PTPRD: variants seen among roughly 807,000 people sequenced by gnomAD.
PTPRD encodes protein tyrosine phosphatase receptor type D, also known as receptor-type tyrosine-protein phosphatase delta.
A neutral mutation model predicts 214.5 loss-of-function variants in PTPRD; 34 were observed. That is an observed-to-expected ratio of 0.16 (90% CI 0.12 to 0.21). The LOEUF (loss-of-function observed/expected upper bound fraction) is 0.21, where lower values mean the gene tolerates loss of function less well. Among genes scored for constraint, PTPRD ranks in the 10% least tolerant of loss-of-function variants. The pLI is 1.00. For synonymous variants in PTPRD, 1,128 were observed against 845.7 expected (o/e 1.33, Z -5.79); for missense variants, 2,545 against 2,398.7 (o/e 1.06, Z -1.27).
At chr9:9,615,324 G>A (rs532158354) in intron 7 of PTPRD, among the ~76,000 whole-genome samples, 6 of 152,084 alleles carry the variant, frequency 3.9e-5, no homozygotes, top group East Asian at 1.9e-4. Flanking sequence ...GCCACCAGGC[G>A]CTGATCTGTT....
At chr9:9,751,990 C>T (rs553514985) in intron 6 of PTPRD, among the ~76,000 whole-genome samples, 47 of 152,022 alleles carry the variant, frequency 3.1e-4, no homozygotes, top group Non-Finnish European at 5.6e-4. Context: ...GTAGATTATA[C>T]AACAACTATA....
chr9:8,913,753 T>G (rs559206951), intron 11 of PTPRD, among the ~76,000 whole-genome samples: 1 of 152,118 alleles, frequency 6.6e-6, no homozygotes, highest in South Asian at 2.1e-4. Flanking sequence ...ATGCTATCAA[T>G]ATTCTGCAAA....
At chr9:9,003,812 C>T (rs180822882) in intron 11 of PTPRD, among the ~76,000 whole-genome samples, 3 of 152,214 alleles carry the variant, frequency 2.0e-5, no homozygotes, top group Admixed American at 2.0e-4. Flanking sequence ...AGACTTAGCT[C>T]TGTTAGTAAA....
intron 4 of PTPRD, among the ~76,000 whole-genome samples, chr9:9,965,567 A>C (rs1373436771): frequency 6.6e-6 from 1 of 152,190 alleles, no homozygotes; most frequent in Non-Finnish European, 1.5e-5. Context: ...TGGCTCTAAT[A>C]GTATTTATTA....
At chr9:8,748,998 C>G (rs1026936515) in intron 11 of PTPRD, among the ~76,000 whole-genome samples, 2 of 151,962 alleles carry the variant, frequency 1.3e-5, no homozygotes, top group Non-Finnish European at 2.9e-5. Context: ...TTTCAACACA[C>G]ATGTGAAAAT....
intron 8 of PTPRD, among the ~76,000 whole-genome samples, chr9:9,513,845 G>A (rs1002900605): frequency 3.9e-5 from 6 of 152,026 alleles, no homozygotes; most frequent in South Asian, 2.1e-4. Flanking sequence ...TCACCTGCTG[G>A]TTTTTATTAG....
chr9:9,324,450 G>C (rs888577652), intron 9 of PTPRD, among the ~76,000 whole-genome samples: 1 of 152,118 alleles, frequency 6.6e-6, no homozygotes. Context: ...GTGATGATGA[G>C]CATTTTTTCA....
intron 3 of PTPRD, among the ~76,000 whole-genome samples, chr9:10,166,452 A>T (rs1163782489): frequency 1.3e-5 from 2 of 151,922 alleles, no homozygotes; most frequent in African/African-American, 4.8e-5. Context: ...CTAGTTCATT[A>T]ATAGTTTTAT....
intron 3 of PTPRD, among the ~76,000 whole-genome samples, chr9:10,271,859 A>G (rs1200739425): frequency 6.6e-6 from 1 of 151,762 alleles, no homozygotes; most frequent in Non-Finnish European, 1.5e-5. Flanking sequence ...TGTTTCTTAT[A>G]TCATTGGAAT....
intron 4 of PTPRD, among the ~76,000 whole-genome samples, chr9:9,977,992 C>T (rs896628095): frequency 6.6e-6 from 1 of 151,768 alleles, no homozygotes; most frequent in African/African-American, 2.4e-5. Context: ...AAACCTGTTG[C>T]TTCCAATCAA....
At chr9:9,608,326 T>G (rs1453933738) in intron 7 of PTPRD, among the ~76,000 whole-genome samples, 1 of 152,194 alleles carries the variant, frequency 6.6e-6, no homozygotes, top group Admixed American at 6.6e-5. Flanking sequence ...AAGCCTCTGG[T>G]GCATGGTTAT....
In PTPRD at chr9:8,339,054, G is replaced by A; in HGVS notation, c.5254-7C>T. 4 of 1,609,238 alleles carry A rather than the reference G, an allele frequency of 2.5e-6. No homozygotes were observed. The African/African-American group carries it at 4.0e-5, about 16-fold the overall frequency. ...AGTATTGGTGACATTTCTCCTAAAA[G>A]GAGAGAAGATTAATGTTAAACTATG... is the stretch of plus-strand genomic sequence containing the variant. On this transcript the variant is annotated splice_region_variant and splice_polypyrimidine_tract_variant and intron_variant, in intron 42 of 45. Transcript: ENST00000381196.
At chr9:10,315,631 T>C (rs2096401138) in intron 3 of PTPRD, among the ~76,000 whole-genome samples, 1 of 151,976 alleles carries the variant, frequency 6.6e-6, no homozygotes, top group Non-Finnish European at 1.5e-5. Flanking sequence ...TGTTTAACAT[T>C]AATTCATCCT....
At chr9:8,534,482 A>G (rs1396677528) in intron 14 of PTPRD, among the ~76,000 whole-genome samples, 3 of 151,926 alleles carry the variant, frequency 2.0e-5, no homozygotes, top group Non-Finnish European at 4.4e-5. Context: ...GGTTTGAGTC[A>G]TTCATATACT....
intron 8 of PTPRD, among the ~76,000 whole-genome samples, chr9:9,498,026 C>A (rs984932161): frequency 4.6e-5 from 7 of 151,990 alleles, no homozygotes; most frequent in Admixed American, 2.6e-4. Context: ...GATAACAGTT[C>A]CCAGTTTTGC....
At chr9:10,154,941 G>C (rs978912550) in intron 3 of PTPRD, among the ~76,000 whole-genome samples, 1 of 151,886 alleles carries the variant, frequency 6.6e-6, no homozygotes, top group Non-Finnish European at 1.5e-5. Flanking sequence ...CTCTTTTTTG[G>C]TCCCATATGA....
chr9:10,553,094 T>C (rs746630803), intron 2 of PTPRD, among the ~76,000 whole-genome samples: 2 of 152,168 alleles, frequency 1.3e-5, no homozygotes, highest in African/African-American at 2.4e-5. Flanking sequence ...TAGCAACATC[T>C]CCATGCTGAG....
At chr9:8,348,580 T>G (rs950183987) in intron 39 of PTPRD, among the ~76,000 whole-genome samples, 7 of 152,160 alleles carry the variant, frequency 4.6e-5, no homozygotes, top group Non-Finnish European at 7.4e-5. Context: ...TTGGGGGTTG[T>G]TTCTTTAACT....
At chr9:10,135,050 G>A (rs570117993) in intron 3 of PTPRD, among the ~76,000 whole-genome samples, 1 of 152,242 alleles carries the variant, frequency 6.6e-6, no homozygotes, top group African/African-American at 2.4e-5. Context: ...TCCTGGAATT[G>A]AAAATTTCAC....
Sources: allele counts gnomAD v4.1 joint callset (sites outside exome capture counted in the v4.1 genomes callset), GRCh38; gene constraint gnomAD v4.1.1; transcripts MANE v1.5; gene names NCBI Gene and HGNC (gene_info 2026-07-23, HGNC 2026-07-21).